Variants in BRINP3 observed in about 807,000 individuals in gnomAD.
BRINP3 encodes BMP/retinoic acid inducible neural specific 3, also known as BMP/retinoic acid-inducible neural-specific protein 3.
A neutral mutation model predicts 71.0 loss-of-function variants in BRINP3; 19 were observed. The observed-to-expected ratio is 0.27, with a 90% CI of 0.19 to 0.39. The LOEUF (loss-of-function observed/expected upper bound fraction) is 0.39. Among genes scored for constraint, BRINP3 ranks in the 10% least tolerant of loss-of-function variants. The pLI is 1.00. For missense variants in BRINP3, 959 were observed against 940.8 expected (o/e 1.02, Z -0.25); for synonymous variants, 380 against 337.7 (o/e 1.13, Z -1.37).
chr1:190,434,754 G>C (rs535326562), intron 2 of BRINP3, among the ~76,000 whole-genome samples: 1 of 152,038 alleles, frequency 6.6e-6, no homozygotes, highest in Non-Finnish European at 1.5e-5. Context: ...GCACCATGAA[G>C]GTAAAAACTT....
intron 1 of BRINP3, among the ~76,000 whole-genome samples, chr1:190,467,187 C>G (rs1015245639): frequency 1.3e-5 from 2 of 151,424 alleles, no homozygotes; most frequent in African/African-American, 2.4e-5. Context: ...GACATGTGTG[C>G]AAATAAAATG....
chr1:190,467,063 G>A (rs1040064338), intron 1 of BRINP3, among the ~76,000 whole-genome samples: 2 of 151,320 alleles, frequency 1.3e-5, no homozygotes, highest in African/African-American at 2.4e-5. Context: ...CTCTTTAATA[G>A]TTATTCTTTA....
intron 2 of BRINP3, among the ~76,000 whole-genome samples, chr1:190,289,806 A>T (rs1191696119): frequency 1.3e-5 from 2 of 151,892 alleles, no homozygotes; most frequent in African/African-American, 4.8e-5. Context: ...GCTCTACCAT[A>T]CCTGTCTCCA....
intron 2 of BRINP3, among the ~76,000 whole-genome samples, chr1:190,378,395 C>T (rs188507352): frequency 6.6e-6 from 1 of 152,264 alleles, no homozygotes; most frequent in East Asian, 1.9e-4. Context: ...CAACATCAGA[C>T]CATTGTAGGC....
chr1:190,111,199 A>AAC (rs1553241583), intron 7 of BRINP3, among the ~76,000 whole-genome samples: 1,721 of 149,488 alleles, frequency 0.012, 76 homozygotes, highest in African/African-American at 0.041. Context: ...AAAAAAAAAA[A>AAC]AAAAAAAAAC....
chr1:190,204,959 A>G (rs1655364594), intron 6 of BRINP3, among the ~76,000 whole-genome samples: 1 of 149,290 alleles, frequency 6.7e-6, no homozygotes, highest in South Asian at 2.1e-4. Context: ...CTCTCTATTG[A>G]ATTTTGGATT....
chr1:190,257,318 C>T (rs1395451400), intron 4 of BRINP3, among the ~76,000 whole-genome samples: 1 of 152,092 alleles, frequency 6.6e-6, no homozygotes, highest in Non-Finnish European at 1.5e-5. Context: ...AGTTCTCGTG[C>T]CATGGTTTTC....
intron 4 of BRINP3, among the ~76,000 whole-genome samples, chr1:190,249,758 C>A (rs1659960513): frequency 6.6e-6 from 1 of 151,646 alleles, no homozygotes; most frequent in South Asian, 2.1e-4. Context: ...TTTTCATGCA[C>A]CTAGTTAAAG....
At chr1:190,437,933 T>A (rs949462562) in intron 2 of BRINP3, among the ~76,000 whole-genome samples, 1 of 151,638 alleles carries the variant, frequency 6.6e-6, no homozygotes, top group South Asian at 2.1e-4. Context: ...CCTTATAATT[T>A]ATATAGTATA....
At chr1:190,454,414 A>G (rs988591746) in intron 2 of BRINP3, among the ~76,000 whole-genome samples, 1 of 152,214 alleles carries the variant, frequency 6.6e-6, no homozygotes, top group African/African-American at 2.4e-5. Flanking sequence ...ACTTTAAGGC[A>G]GTGTAGCATG....
chr1:190,249,065 G>C (rs1201543987), intron 4 of BRINP3, among the ~76,000 whole-genome samples: 2 of 150,374 alleles, frequency 1.3e-5, no homozygotes, highest in African/African-American at 4.9e-5. Flanking sequence ...TTCTTTATTT[G>C]CTCATTTGGA....
Position 190,142,127 on chromosome 1 carries a change from T to C in BRINP3, c.1184+18541A>G, listed in dbSNP as rs76500798. Among the ~76,000 whole-genome samples the C allele has an allele frequency of 7.1e-3, 1,077 of 152,210 alleles. 18 individuals carry two copies. The highest frequency in any genetic ancestry group is 0.022 in the African/African-American group (932 of 41,548). On this transcript the variant is annotated intron_variant, in intron 7 of 7. Transcript: ENST00000367462. ...CCTTTCTACCTATAGAAGAAAATAA[T>C]TGATGAATTAGACTTTATTAATGGC...
intron 7 of BRINP3, among the ~76,000 whole-genome samples, chr1:190,117,116 A>G (rs1348037836): frequency 6.6e-6 from 1 of 152,016 alleles, no homozygotes; most frequent in Admixed American, 6.5e-5. Context: ...TTGTAATGCA[A>G]TTGTTTCTTG....
At chr1:190,382,650 A>G (rs1386907147) in intron 2 of BRINP3, among the ~76,000 whole-genome samples, 2 of 152,314 alleles carry the variant, frequency 1.3e-5, no homozygotes, top group Middle Eastern at 3.4e-3. Context: ...TATGCCATTC[A>G]AAGCTGTCCT....
chr1:190,412,598 G>A (rs1672760698), intron 2 of BRINP3, among the ~76,000 whole-genome samples: 1 of 148,822 alleles, frequency 6.7e-6, no homozygotes, highest in Non-Finnish European at 1.5e-5. Context: ...AAGTAGCTGG[G>A]ACTACAGGTG....
chr1:190,130,450 T>C (rs149318783), intron 7 of BRINP3, among the ~76,000 whole-genome samples: 2 of 152,166 alleles, frequency 1.3e-5, no homozygotes, highest in South Asian at 2.1e-4. Context: ...AGCATTATTT[T>C]AATCATCTGA....
chr1:190,250,118 A>G (rs2102810674), intron 4 of BRINP3, among the ~76,000 whole-genome samples: 1 of 152,044 alleles, frequency 6.6e-6, no homozygotes, highest in Non-Finnish European at 1.5e-5. Flanking sequence ...CAATCCACCT[A>G]GAGGGAAAAG....
chr1:190,177,553 T>C (rs1253349727), intron 6 of BRINP3, among the ~76,000 whole-genome samples: 1 of 151,928 alleles, frequency 6.6e-6, no homozygotes, highest in Non-Finnish European at 1.5e-5. Flanking sequence ...CAAATCTAAA[T>C]GCATTATTTA....
At chr1:190,149,588 G>C (rs559722206) in intron 7 of BRINP3, among the ~76,000 whole-genome samples, 1 of 151,930 alleles carries the variant, frequency 6.6e-6, no homozygotes, top group Admixed American at 6.6e-5. Flanking sequence ...GTCTCAGTGC[G>C]TGCGTGTTAG....
Sources: allele counts gnomAD v4.1 joint callset (sites outside exome capture counted in the v4.1 genomes callset), GRCh38; gene constraint gnomAD v4.1.1; transcripts MANE v1.5; gene names NCBI Gene and HGNC (gene_info 2026-07-23, HGNC 2026-07-21).